GSE1: variants seen among roughly 807,000 people sequenced by gnomAD.
GSE1 encodes Gse1 coiled-coil protein, also known as genetic suppressor element 1.
Under a neutral mutation model 112.6 loss-of-function variants are expected in GSE1, and 32 were observed. The ratio of observed to expected loss-of-function variants is 0.28; its 90% CI spans 0.21 to 0.38. The LOEUF (loss-of-function observed/expected upper bound fraction) is 0.38. Among genes scored for constraint, GSE1 ranks in the 10% least tolerant of loss-of-function variants. GSE1 has a pLI of 1.00. For synonymous variants in GSE1, 1,115 were observed against 735.6 expected (o/e 1.52, Z -8.35); for missense variants, 2,348 against 1,699.2 (o/e 1.38, Z -6.71).
intron 1 of GSE1, chr16:85,582,134 A>C (rs2046472686): frequency 6.6e-6 from 1 of 152,232 alleles, no homozygotes. Flanking sequence ...CCACTTCCGC[A>C]GGCACGCTGG....
intron 1 of GSE1, among the ~76,000 whole-genome samples, chr16:85,200,939 G>A (rs954253280): frequency 3.3e-5 from 5 of 152,220 alleles, no homozygotes; most frequent in African/African-American, 1.2e-4. Context: ...AGTCTGAACA[G>A]GCCAGAGACG....
intron 3 of GSE1, 61 bp from the exon 4 acceptor site, chr16:85,654,217 T>G (rs1419909738): frequency 2.0e-6 from 3 of 1,469,248 alleles, no homozygotes; most frequent in Non-Finnish European, 2.8e-6. Flanking sequence ...GACCTGGCTG[T>G]GTCCTGTGGT....
intron 2 of GSE1, among the ~76,000 whole-genome samples, chr16:85,634,453 C>G (rs932260121): frequency 2.0e-5 from 3 of 152,172 alleles, no homozygotes; most frequent in African/African-American, 7.2e-5. Context: ...GTGCCCTGGA[C>G]CAGGGGAGCC....
intron 2 of GSE1, among the ~76,000 whole-genome samples, chr16:85,382,943 A>T: frequency 6.6e-6 from 1 of 151,038 alleles, no homozygotes; most frequent in Non-Finnish European, 1.5e-5. Flanking sequence ...CACAACACGT[A>T]CACATGCACA....
intron 1 of GSE1, among the ~76,000 whole-genome samples, chr16:85,565,363 C>T (rs1295943792): frequency 6.7e-6 from 1 of 149,076 alleles, no homozygotes; most frequent in Admixed American, 6.6e-5. Context: ...TGCACTCCAG[C>T]CTGGGTGACA....
At chr16:85,451,200 A>G (rs1184118430) in intron 2 of GSE1, among the ~76,000 whole-genome samples, 1 of 152,144 alleles carries the variant, frequency 6.6e-6, no homozygotes, top group African/African-American at 2.4e-5. Flanking sequence ...AACCACCACC[A>G]TAATTTACAA....
chr16:85,648,683 A>AC lies in GSE1; in HGVS notation c.366dup (p.Val123ArgfsTer17), dbSNP rs754199513. The AC allele has an allele frequency of 1.3e-4, 201 of 1,583,516 alleles. No homozygotes were observed. Among genetic ancestry groups the AC allele is most frequent in the Admixed American group, 1.4e-4 (8 of 58,280 alleles). ...CCCTGGGGGCCACAGCGTGCCCAGCACCCCCCCCGTGGTGACCATCGCTCC... is the reference window on the plus strand; with the variant it reads ...CCCTGGGGGCCACAGCGTGCCCAGCACCCCCCCCCGTGGTGACCATCGCTCC... On this transcript the variant is annotated frameshift_variant, in exon 3 of 16. Transcript: ENST00000253458. LOFTEE classifies it high-confidence loss of function.
intron 1 of GSE1, among the ~76,000 whole-genome samples, chr16:85,238,439 T>C (rs978897317): frequency 3.9e-5 from 6 of 152,208 alleles, no homozygotes; most frequent in African/African-American, 1.4e-4. Flanking sequence ...TGCTGCAGTT[T>C]CGTCAGCCCT....
intron 2 of GSE1, among the ~76,000 whole-genome samples, chr16:85,498,322 GACAC>G (rs2051248767): frequency 6.6e-6 from 1 of 151,978 alleles, no homozygotes; most frequent in East Asian, 1.9e-4. Flanking sequence ...TATACATCCA[GACAC>G]ACAGACACAC....
chr16:85,469,826 C>T (rs1321142672), intron 2 of GSE1, among the ~76,000 whole-genome samples: 1 of 152,250 alleles, frequency 6.6e-6, no homozygotes, highest in Admixed American at 6.5e-5. Flanking sequence ...GCTGCTGAAG[C>T]GGGTCCCCTA....
At chr16:85,404,124 T>A (rs1239776250) in intron 2 of GSE1, among the ~76,000 whole-genome samples, 1 of 120,452 alleles carries the variant, frequency 8.3e-6, no homozygotes, top group Non-Finnish European at 1.8e-5. Flanking sequence ...ACTGTTACAC[T>A]CAGGGCCCCC....
intron 2 of GSE1, among the ~76,000 whole-genome samples, chr16:85,447,474 G>A (rs2049548024): frequency 6.6e-6 from 1 of 152,222 alleles, no homozygotes; most frequent in African/African-American, 2.4e-5. Context: ...CAGCCACACT[G>A]GTGCGCTGTG....
At chr16:85,260,644 C>G (rs906304845) in intron 1 of GSE1, among the ~76,000 whole-genome samples, 1 of 152,194 alleles carries the variant, frequency 6.6e-6, no homozygotes, top group Non-Finnish European at 1.5e-5. Context: ...TTCAACTCAG[C>G]GACTACTCTG....
At position 85,672,963 on chromosome 16, in the gene GSE1, G is replaced by A. The variant is rs11375; in HGVS notation, c.*424G>A. The A allele has an allele frequency of 6.2e-3, 944 of 153,276 alleles. 3 individuals are homozygous for A. Among genetic ancestry groups the A allele is most frequent in the Non-Finnish European group, 9.4e-3 (648 of 68,734 alleles). The allele number at this position is 153,276 out of a possible 1,614,324, so 9.5% of individuals were successfully genotyped here. ...AAGCCCAGTTTGCTTTTGCCGCAGCGATGGGGCCAGTCTCATTCCTCCCCA... is the reference window on the plus strand; with the variant it reads ...AAGCCCAGTTTGCTTTTGCCGCAGCAATGGGGCCAGTCTCATTCCTCCCCA... On this transcript the variant is annotated 3_prime_UTR_variant, in exon 16 of 16. Transcript: ENST00000253458.
intron 2 of GSE1, among the ~76,000 whole-genome samples, chr16:85,410,954 G>A (rs75881332): frequency 1.1e-3 from 61 of 53,308 alleles, no homozygotes; most frequent in Non-Finnish European, 1.2e-3. Context: ...TCAGGCCCCC[G>A]GATAATCCTC....
At chr16:85,639,593 C>T (rs988554351) in intron 2 of GSE1, among the ~76,000 whole-genome samples, 2 of 152,242 alleles carry the variant, frequency 1.3e-5, no homozygotes, top group Non-Finnish European at 2.9e-5. Context: ...GGTGTTTGCC[C>T]CGAGGGTGCC....
At chr16:85,576,323 T>C (rs1054886416) in intron 1 of GSE1, among the ~76,000 whole-genome samples, 1 of 152,132 alleles carries the variant, frequency 6.6e-6, no homozygotes, top group Non-Finnish European at 1.5e-5. Flanking sequence ...AATTTGAAAA[T>C]AAATGGGTTT....
chr16:85,478,887 C>A, intron 2 of GSE1, among the ~76,000 whole-genome samples: 1 of 67,658 alleles, frequency 1.5e-5, no homozygotes, highest in South Asian at 4.6e-4. Flanking sequence ...TTCTTTCTTT[C>A]TTTCTTTCTT....
At chr16:85,188,474 G>A (rs561838388) in intron 1 of GSE1, among the ~76,000 whole-genome samples, 1 of 152,164 alleles carries the variant, frequency 6.6e-6, no homozygotes, top group Admixed American at 6.5e-5. Flanking sequence ...GACCCTTTTA[G>A]TCCAGGTGAA....
Sources: allele counts gnomAD v4.1 joint callset (sites outside exome capture counted in the v4.1 genomes callset), GRCh38; gene constraint gnomAD v4.1.1; transcripts MANE v1.5; gene names NCBI Gene and HGNC (gene_info 2026-07-23, HGNC 2026-07-21).